ZDHHC2: variants seen among roughly 807,000 people sequenced by gnomAD.
The protein encoded by ZDHHC2 is zDHHC palmitoyltransferase 2, also known as palmitoyltransferase ZDHHC2.
A neutral mutation model predicts 55.6 loss-of-function variants in ZDHHC2; 51 were observed. The observed-to-expected ratio is 0.92, with a 90% CI of 0.73 to 1.16. ZDHHC2 has a LOEUF of 1.16. Among genes scored for constraint, ZDHHC2 ranks in the 50% most tolerant of loss-of-function variants. The pLI is 0.00. For synonymous variants in ZDHHC2, 199 were observed against 152.9 expected (o/e 1.30, Z -2.22); for missense variants, 491 against 442.4 (o/e 1.11, Z -0.99).
intron 1 of ZDHHC2, among the ~76,000 whole-genome samples, chr8:17,179,691 GT>G (rs1269205846): frequency 2.6e-5 from 4 of 152,196 alleles, no homozygotes; most frequent in African/African-American, 7.2e-5. Context: ...CATTTCATGC[GT>G]GGGCCGCCCA....
intron 1 of ZDHHC2, among the ~76,000 whole-genome samples, chr8:17,158,033 C>T (rs1233410653): frequency 6.6e-6 from 1 of 151,842 alleles, no homozygotes; most frequent in African/African-American, 2.4e-5. Flanking sequence ...ACTTTTATTT[C>T]ATATAGTTTT....
rs1430199270 is a variant in ZDHHC2 at position 17,159,162 on chromosome 8, G to C, written c.130+2309G>C. Among the ~76,000 whole-genome samples the C allele has an allele frequency of 5.9e-5, 9 of 152,234 alleles. No individual in the cohort carries two copies. The East Asian group carries it at 1.7e-3, about 29-fold the overall frequency. Reference sequence around the variant, plus strand: ...ACTGACACACAAAACCAGACTCCCAGACTCCTTTCCTTTTCACAGACAAAG... The same window carrying C: ...ACTGACACACAAAACCAGACTCCCACACTCCTTTCCTTTTCACAGACAAAG... On this transcript the variant is annotated intron_variant, in intron 1 of 12. Coordinates refer to ENST00000262096, the MANE Select transcript of ZDHHC2 (RefSeq NM_016353.5).
At position 17,193,061 on chromosome 8, in the gene ZDHHC2, C is replaced by T. The variant is rs143428544; in HGVS notation, c.253-2443C>T. Among the ~76,000 whole-genome samples the T allele has an allele frequency of 3.9e-5, 6 of 152,350 alleles. No homozygotes were observed. In the East Asian group the frequency reaches 1.2e-3, roughly 29 times the overall value. The stretch of plus-strand genomic sequence containing the variant: ...CCGTGCTATTTAGGTTACTCCCCTA[C>T]ACTAAACTCTGTAGTATAATTTGAA... On this transcript the variant is annotated intron_variant, in intron 3 of 12. Transcript: ENST00000262096.
chr8:17,161,961 T>C (rs1804365107), intron 1 of ZDHHC2, among the ~76,000 whole-genome samples: 1 of 152,258 alleles, frequency 6.6e-6, no homozygotes, highest in African/African-American at 2.4e-5. Context: ...TTTTAAAGAT[T>C]TGAATTTATG....
intron 7 of ZDHHC2, among the ~76,000 whole-genome samples, chr8:17,206,848 C>T (rs1585729643): frequency 6.6e-6 from 1 of 152,116 alleles, no homozygotes. Flanking sequence ...ATTGCTAGAT[C>T]ACTTATGTGA....
chr8:17,199,354 C>T (rs1207221300), intron 6 of ZDHHC2, among the ~76,000 whole-genome samples: 8 of 152,002 alleles, frequency 5.3e-5, no homozygotes, highest in Non-Finnish European at 8.8e-5. Context: ...AAATAACGCC[C>T]CCTTCGTACT....
chr8:17,177,360 G>A (rs1232791558), intron 1 of ZDHHC2, among the ~76,000 whole-genome samples: 7 of 152,162 alleles, frequency 4.6e-5, no homozygotes, highest in African/African-American at 1.7e-4. Context: ...GCCAGAAAGT[G>A]GGATGGCAGC....
chr8:17,180,728 G>A (rs1051164131), intron 1 of ZDHHC2, among the ~76,000 whole-genome samples: 2 of 152,222 alleles, frequency 1.3e-5, no homozygotes, highest in African/African-American at 4.8e-5. Flanking sequence ...GCTTATGTAA[G>A]CCAGCAAGTG....
At chr8:17,177,451 A>G (rs949193242) in intron 1 of ZDHHC2, among the ~76,000 whole-genome samples, 3 of 152,208 alleles carry the variant, frequency 2.0e-5, no homozygotes, top group African/African-American at 7.2e-5. Context: ...AGCATAAAGT[A>G]TTTTTGTCAT....
intron 6 of ZDHHC2, among the ~76,000 whole-genome samples, chr8:17,199,520 C>T (rs1278151730): frequency 2.5e-5 from 1 of 39,852 alleles, no homozygotes; most frequent in Non-Finnish European, 7.7e-5. Context: ...TCTTCGTCTT[C>T]GTCTTCGTCT....
chr8:17,189,135 T>G lies in ZDHHC2; in HGVS notation c.252+2710T>G, dbSNP rs1165010386. ...TTTTGGTGTTTTGTTATGTTTTTTTTTTTTTTTTTTTGGCCTCCTCTTGTG... is the reference window on the plus strand; with the variant it reads ...TTTTGGTGTTTTGTTATGTTTTTTTGTTTTTTTTTTTGGCCTCCTCTTGTG... On this transcript the variant is annotated intron_variant, in intron 3 of 12. Coordinates refer to ENST00000262096, the MANE Select transcript of ZDHHC2 (RefSeq NM_016353.5). Among the ~76,000 whole-genome samples, 5 of 149,306 alleles carry G rather than the reference T, an allele frequency of 3.3e-5. No homozygotes were observed. In the Middle Eastern group the frequency reaches 0.011, roughly 315 times the overall value.
intron 1 of ZDHHC2, among the ~76,000 whole-genome samples, chr8:17,164,639 A>G (rs1804515770): frequency 6.6e-6 from 1 of 152,224 alleles, no homozygotes; most frequent in African/African-American, 2.4e-5. Context: ...GAAACAAAAC[A>G]TCCAAATAAT....
chr8:17,180,803 T>G (rs1223260304), intron 1 of ZDHHC2, among the ~76,000 whole-genome samples: 2 of 152,212 alleles, frequency 1.3e-5, no homozygotes, highest in African/African-American at 2.4e-5. Context: ...CTATTATGCT[T>G]AGTAATAATC....
At chr8:17,171,279 C>T (rs1047102789) in intron 1 of ZDHHC2, among the ~76,000 whole-genome samples, 1 of 152,204 alleles carries the variant, frequency 6.6e-6, no homozygotes, top group South Asian at 2.1e-4. Context: ...ATCTGCACAA[C>T]TTGCTGGCAC....
intron 4 of ZDHHC2, among the ~76,000 whole-genome samples, chr8:17,196,975 T>G (rs1267152713): frequency 6.6e-6 from 1 of 152,226 alleles, no homozygotes; most frequent in Non-Finnish European, 1.5e-5. Context: ...GAATCATAAT[T>G]GAATCTTAAC....
rs955015712 is a variant in ZDHHC2, at chr8:17,191,915, C to G, written c.253-3589C>G. On this transcript the variant is annotated intron_variant, in intron 3 of 12. Coordinates refer to ENST00000262096, the MANE Select transcript of ZDHHC2 (RefSeq NM_016353.5). ...CATCGTAGTAGTACTAATTTACATT[C>G]TCACCAACAGTATACAAGGGTTCCC... 4.6e-5 allele frequency among the ~76,000 whole-genome samples: 7 copies of G among 152,254 alleles called. No individual in the cohort carries two copies. In the East Asian group the frequency reaches 9.7e-4, roughly 21 times the overall value.
chr8:17,205,681 A>G lies in ZDHHC2; in HGVS notation c.503A>G (p.Asn168Ser). Residue 168 changes from asparagine to serine, a missense_variant, in exon 7 of 13, where the codon AAT (asparagine) becomes AGT (serine). Transcript: ENST00000262096. ...GTGAACAATTGTGTTGGATTTTCAA[A>G]TTATAAGTTCTTTCTCCTTTTCTTG... Reference protein sequence around the residue: ...PWVNNCVGFSNYKFFLLFLAY... With the variant: ...PWVNNCVGFSSYKFFLLFLAY... 1 of 1,606,448 alleles carries G rather than the reference A, an allele frequency of 6.2e-7. No individual in the cohort carries two copies.
At chr8:17,195,301 G>T (rs745973454) in intron 3 of ZDHHC2, among the ~76,000 whole-genome samples, 3 of 152,120 alleles carry the variant, frequency 2.0e-5, no homozygotes, top group African/African-American at 4.8e-5. Context: ...TTATGATGAT[G>T]ATTATTATAC....
chr8:17,213,754 A>G (rs537824323), intron 10 of ZDHHC2, among the ~76,000 whole-genome samples: 172 of 152,308 alleles, frequency 1.1e-3, no homozygotes, highest in African/African-American at 4.0e-3. Context: ...GCAGTAATGA[A>G]TCTTCAGAGT....
Sources: allele counts gnomAD v4.1 joint callset (sites outside exome capture counted in the v4.1 genomes callset), GRCh38; gene constraint gnomAD v4.1.1; transcripts MANE v1.5; gene names NCBI Gene and HGNC (gene_info 2026-07-23, HGNC 2026-07-21).